Variants in COL21A1 observed in about 807,000 individuals in gnomAD.
COL21A1 encodes collagen alpha-1(XXI) chain.
A neutral mutation model predicts 137.9 loss-of-function variants in COL21A1; 149 were observed. That is an observed-to-expected ratio of 1.08 (90% CI 0.95 to 1.24). The LOEUF is 1.24. COL21A1 is among the 50% of genes most tolerant of loss of function. The pLI is 0.00. For missense variants in COL21A1, 1,167 were observed against 1,158.4 expected (o/e 1.01, Z -0.11); for synonymous variants, 456 against 391.5 (o/e 1.16, Z -1.95).
chr6:56,315,147 C>G (rs1418530054), intron 1 of COL21A1, among the ~76,000 whole-genome samples: 1 of 152,188 alleles, frequency 6.6e-6, no homozygotes, highest in East Asian at 1.9e-4. Context: ...ATCCAGATGT[C>G]TGATTGTAAA....
Position 56,142,669 on chromosome 6 carries a change from T to A in COL21A1, c.1435-686A>T, listed in dbSNP as rs1456111999. On this transcript the variant is annotated intron_variant, in intron 10 of 29. Transcript: ENST00000244728. ...TTGGTTTAGCACATGGCAGCTAAAG[T>A]CTCCAAATTAACTTGTAGGCTCTAA... Among the ~76,000 whole-genome samples, 4 of 152,296 alleles carry A rather than the reference T, an allele frequency of 2.6e-5. No individual in the cohort carries two copies. The East Asian group carries it at 7.7e-4, about 29-fold the overall frequency.
intron 20 of COL21A1, 124 bp downstream of exon 20, chr6:56,074,108 T>C (rs1766999283): frequency 3.3e-6 from 2 of 613,882 alleles, no homozygotes; most frequent in South Asian, 5.8e-5. Context: ...CAAGTGATTT[T>C]TTTTCATAGA....
At chr6:56,346,223 A>G (rs1455926964) in intron 1 of COL21A1, among the ~76,000 whole-genome samples, 1 of 152,164 alleles carries the variant, frequency 6.6e-6, no homozygotes, top group Non-Finnish European at 1.5e-5. Flanking sequence ...TCACTCAATA[A>G]CTACACCCCC....
chr6:56,161,760 T>C (rs1376238225), intron 9 of COL21A1, among the ~76,000 whole-genome samples: 1 of 152,168 alleles, frequency 6.6e-6, no homozygotes, highest in African/African-American at 2.4e-5. Flanking sequence ...ATGACAATGA[T>C]AAGTCTAAGT....
At chr6:56,373,811 G>A (rs1054621501) in intron 1 of COL21A1, among the ~76,000 whole-genome samples, 1 of 152,136 alleles carries the variant, frequency 6.6e-6, no homozygotes, top group Non-Finnish European at 1.5e-5. Context: ...TTATTAACCA[G>A]TGAGGGTATT....
intron 9 of COL21A1, 53 bp from the exon 10 acceptor site, chr6:56,157,002 G>A (rs1775795141): frequency 6.3e-6 from 8 of 1,270,784 alleles, no homozygotes; most frequent in Admixed American, 5.5e-5. Flanking sequence ...CCACATTGGT[G>A]CAGTCAGGAT....
At chr6:56,375,208 A>G (rs1355537488) in intron 1 of COL21A1, among the ~76,000 whole-genome samples, 1 of 152,154 alleles carries the variant, frequency 6.6e-6, no homozygotes, top group Non-Finnish European at 1.5e-5. Flanking sequence ...CCTAGTATAA[A>G]TAGTAACAGC....
At chr6:56,238,245 A>T (rs79144706) in intron 1 of COL21A1, among the ~76,000 whole-genome samples, 1 of 152,136 alleles carries the variant, frequency 6.6e-6, no homozygotes, top group African/African-American at 2.4e-5. Flanking sequence ...GCTCCAGGAC[A>T]GGAATCATGT....
chr6:56,175,150 A>G (rs567084155), intron 3 of COL21A1, among the ~76,000 whole-genome samples: 9 of 152,250 alleles, frequency 5.9e-5, no homozygotes, highest in African/African-American at 2.2e-4. Context: ...ACTTTAACAT[A>G]ATAAAGACCA....
At chr6:56,081,768 G>A (rs1247916251) in intron 17 of COL21A1, among the ~76,000 whole-genome samples, 2 of 151,836 alleles carry the variant, frequency 1.3e-5, no homozygotes, top group African/African-American at 4.8e-5. Flanking sequence ...ATCTAAGAAC[G>A]TTGGATGAAC....
At chr6:56,325,706 TA>T (rs1765043670) in intron 1 of COL21A1, among the ~76,000 whole-genome samples, 1 of 54 alleles carries the variant, frequency 0.019, no homozygotes, top group African/African-American at 0.019. Flanking sequence ...ATATAATATA[TA>T]ATATATGTAA....
chr6:56,072,563 T>C (rs186619526), intron 20 of COL21A1, among the ~76,000 whole-genome samples: 40 of 151,548 alleles, frequency 2.6e-4, no homozygotes, highest in Admixed American at 4.6e-4. Context: ...GAAACGAATA[T>C]AGAGGTCAGT....
intron 1 of COL21A1, among the ~76,000 whole-genome samples, chr6:56,268,323 C>A (rs781370056): frequency 6.6e-6 from 1 of 152,150 alleles, no homozygotes; most frequent in Non-Finnish European, 1.5e-5. Flanking sequence ...AACATGGGTG[C>A]GGTTCCAGGG....
intron 9 of COL21A1, among the ~76,000 whole-genome samples, chr6:56,158,261 T>C (rs1432184837): frequency 8.5e-6 from 1 of 118,030 alleles, no homozygotes; most frequent in Non-Finnish European, 1.7e-5. Context: ...TTCTTTTTTT[T>C]TTTTCTTTTT....
At chr6:56,257,302 G>C (rs1763114140) in intron 1 of COL21A1, among the ~76,000 whole-genome samples, 1 of 152,262 alleles carries the variant, frequency 6.6e-6, no homozygotes, top group Non-Finnish European at 1.5e-5. Flanking sequence ...GCTCTCATAT[G>C]GTTCTGGTGA....
chr6:56,256,428 T>C (rs2152329930), intron 1 of COL21A1, among the ~76,000 whole-genome samples: 1 of 152,308 alleles, frequency 6.6e-6, no homozygotes, highest in African/African-American at 2.4e-5. Flanking sequence ...TGAAAATTTG[T>C]TTTGTGACAG....
At chr6:56,279,003 A>C (rs1379297088) in intron 1 of COL21A1, among the ~76,000 whole-genome samples, 1 of 152,104 alleles carries the variant, frequency 6.6e-6, no homozygotes, top group Non-Finnish European at 1.5e-5. Flanking sequence ...CTGTGTCCCC[A>C]CCCAAAGCTC....
At chr6:56,345,715 G>T (rs970501024) in intron 1 of COL21A1, among the ~76,000 whole-genome samples, 1 of 152,238 alleles carries the variant, frequency 6.6e-6, no homozygotes, top group African/African-American at 2.4e-5. Flanking sequence ...GAAGGAGCCA[G>T]TGTGTCTTTC....
chr6:56,357,137 A>G (rs1765852713), intron 1 of COL21A1, among the ~76,000 whole-genome samples: 1 of 152,190 alleles, frequency 6.6e-6, no homozygotes, highest in Admixed American at 6.5e-5. Flanking sequence ...CCTCTTGCAA[A>G]GTCTGTTCTC....
Sources: allele counts gnomAD v4.1 joint callset (sites outside exome capture counted in the v4.1 genomes callset), GRCh38; gene constraint gnomAD v4.1.1; transcripts MANE v1.5; gene names NCBI Gene and HGNC (gene_info 2026-07-23, HGNC 2026-07-21).